The following TNK2 variants were observed in gnomAD, a reference collection of about 807,000 sequenced individuals.
The protein encoded by TNK2 is tyrosine kinase non receptor 2.
In TNK2, 83 loss-of-function variants were observed where a neutral mutation model predicts 101.8. The observed-to-expected ratio is 0.82, with a 90% CI of 0.68 to 0.98. TNK2 has a LOEUF of 0.98. TNK2 is among the 50% of genes least tolerant of loss of function. The probability of loss-of-function intolerance (pLI) is 0.00; values close to 1 mark genes in which losing one functional copy is unlikely to be tolerated. For missense variants in TNK2, 1,665 were observed against 1,483.2 expected (o/e 1.12, Z -2.01); for synonymous variants, 804 against 633.0 (o/e 1.27, Z -4.06).
At chr3:195,881,928 G>C (rs1753321792) in intron 6 of TNK2, 123 bp downstream of exon 6, 1 of 1,219,410 alleles carries the variant, frequency 8.2e-7, no homozygotes, top group Non-Finnish European at 1.1e-6. Flanking sequence ...GGGCACCCCA[G>C]GCTTAGAACA....
chr3:195,868,570 G>A lies in TNK2; in HGVS notation c.1728C>T (p.Ser576=). 5.1e-6 allele frequency: 8 copies of A among 1,573,572 alleles called. No individual in the cohort carries two copies. The highest frequency in any genetic ancestry group is 6.8e-6 in the Non-Finnish European group (8 of 1,168,474). The change falls in exon 13 of 16, where the codon AGC becomes AGT. Residue 576 remains serine, a synonymous_variant. Transcript: ENST00000672887. ...PSARVPGTKA[S]RGSGAEVTLI... is the part of the protein sequence containing the mutation. ...GCGTGACCTCAGCCCCGCTGCCTCG[G>A]CTGGCCTTGGTGCCCGGCACCCGCG...
chr3:195,867,679 G>A lies in TNK2; in HGVS notation c.2619C>T (p.His873=). Residue 873 remains histidine, a synonymous_variant, in exon 13 of 16, where the codon CAC becomes CAT. Coordinates refer to ENST00000672887, the MANE Select transcript of TNK2 (RefSeq NM_001382273.1). ...ATGGTCGCTCGGGCAGCAAGTAATA[G>A]TGGGTGCTGCTGACCTTCTTGCCAT... is the stretch of plus-strand genomic sequence containing the variant. ...VRDGKKVSST[H]YYLLPERPSY... is the part of the protein sequence containing the mutation. 6.2e-7 allele frequency: 1 copy of A among 1,608,598 alleles called. No homozygotes were observed. Among genetic ancestry groups the A allele is most frequent in the Non-Finnish European group, 8.5e-7 (1 of 1,179,532 alleles).
rs771822142 is a variant in TNK2 at position 195,883,171 on chromosome 3, G to A, written c.595C>T (p.Pro199Ser). The change falls in exon 5 of 16, where the codon CCG becomes TCG. Residue 199 changes from proline to serine, a missense_variant. Pro to Ser is a moderately conservative substitution (Grantham distance 74, BLOSUM62 -1). Transcript: ENST00000672887. Reference sequence around the variant, plus strand: ...GCAGTACTCACCATCTTCATGGGCGGCGTGAGCACCACCCCGTAGAGGCGG... The same window carrying A: ...GCAGTACTCACCATCTTCATGGGCGACGTGAGCACCACCCCGTAGAGGCGG... ...LIRLYGVVLT[P>S]PMKMVTELAP... The A allele has an allele frequency of 3.1e-6, 5 of 1,606,352 alleles. No individual in the cohort carries two copies. The African/African-American group carries it at 4.0e-5, about 13-fold the overall frequency.
At chr3:195,870,937 G>A (rs919101359) in intron 10 of TNK2, among the ~76,000 whole-genome samples, 9 of 151,040 alleles carry the variant, frequency 6.0e-5, no homozygotes, top group South Asian at 2.1e-4. Context: ...GTGGGGGCCC[G>A]CTGTGTGGGT....
At chr3:195,894,169 G>A (rs1339099694) in intron 1 of TNK2, 3 of 146,066 alleles carry the variant, frequency 2.1e-5, no homozygotes, top group African/African-American at 7.3e-5. Flanking sequence ...CCTGGAAGGA[G>A]ACCCAGGGAC....
At chr3:195,876,174 C>T (rs1169742749) in intron 9 of TNK2, among the ~76,000 whole-genome samples, 1 of 152,150 alleles carries the variant, frequency 6.6e-6, no homozygotes, top group South Asian at 2.1e-4. Context: ...CAAACGAGCC[C>T]CTGGGAAAGA....
chr3:195,870,265 C>T (rs757741828), intron 10 of TNK2, 60 bp from the exon 11 acceptor site: 16 of 1,593,374 alleles, frequency 1.0e-5, no homozygotes, highest in African/African-American at 1.3e-5. Context: ...GTGGCAGAAT[C>T]TCATCAGAGC....
At chr3:195,873,321 G>T (rs574896319) in intron 9 of TNK2, among the ~76,000 whole-genome samples, 1 of 152,218 alleles carries the variant, frequency 6.6e-6, no homozygotes, top group Admixed American at 6.5e-5. Flanking sequence ...CAGGGCTCCC[G>T]CAAGACACTC....
At chr3:195,865,189 G>A (rs1739841381) in intron 15 of TNK2, among the ~76,000 whole-genome samples, 1 of 112,284 alleles carries the variant, frequency 8.9e-6, no homozygotes, top group Non-Finnish European at 1.8e-5. Flanking sequence ...GACAGTGACA[G>A]ACAGGTGACA....
intron 9 of TNK2, among the ~76,000 whole-genome samples, chr3:195,875,957 T>C (rs1333843777): frequency 6.6e-6 from 1 of 152,182 alleles, no homozygotes; most frequent in Non-Finnish European, 1.5e-5. Flanking sequence ...ATGGCTCAAC[T>C]AATGCCGGAC....
rs1742779699 is a variant in TNK2 at position 195,868,862 on chromosome 3, G to A, written c.1589-153C>T. On this transcript the variant is annotated intron_variant, in intron 12 of 15. Transcript: ENST00000672887. ...TCTGAGGTCAGCCACCGGCGGCCAGGTTCTCAGCGCACCTCCGACCACTCC... is the reference window on the plus strand; with the variant it reads ...TCTGAGGTCAGCCACCGGCGGCCAGATTCTCAGCGCACCTCCGACCACTCC... The A allele has an allele frequency of 4.5e-6, 4 of 881,998 alleles. No homozygotes were observed. In the East Asian group the frequency reaches 1.2e-4, roughly 26 times the overall value. The allele number at this position is 881,998 out of a possible 1,614,324, so 54.6% of individuals were successfully genotyped here.
chr3:195,906,696 A>G (rs1349899712), intron 1 of TNK2, among the ~76,000 whole-genome samples: 1 of 152,236 alleles, frequency 6.6e-6, no homozygotes, highest in Non-Finnish European at 1.5e-5. Flanking sequence ...GTATATACAC[A>G]GGCCACAACT....
At position 195,888,003 on chromosome 3, in the gene TNK2, C is replaced by T. The variant is rs1034625142; in HGVS notation, c.163+423G>A. ...GCCTGTGCGTGTGCATGCGTGTGTG[C>T]GTGTGAGAGAGCAAGAAAGAGAGCG... On this transcript the variant is annotated intron_variant, in intron 2 of 15. Transcript: ENST00000672887. The surrounding 1 kb of genome is among the most constrained non-coding windows in gnomAD (Gnocchi z 5.3). Among the ~76,000 whole-genome samples the T allele has an allele frequency of 2.0e-5, 3 of 151,710 alleles. No individual in the cohort carries two copies. Among genetic ancestry groups the T allele is most frequent in the Admixed American group, 6.6e-5 (1 of 15,236 alleles).
At chr3:195,868,767 G>C (rs1421702849) in intron 12 of TNK2, 58 bp from the exon 13 acceptor site, 40 of 1,477,816 alleles carry the variant, frequency 2.7e-5, no homozygotes, top group Non-Finnish European at 3.1e-5. Flanking sequence ...TGGGACACGA[G>C]GGGAGGTGGC....
chr3:195,880,251 G>A (rs1378604599), intron 6 of TNK2, among the ~76,000 whole-genome samples: 2 of 152,106 alleles, frequency 1.3e-5, no homozygotes, highest in Non-Finnish European at 1.5e-5. Flanking sequence ...CCATCTACAA[G>A]GCCTGCTGTG....
In TNK2 at chr3:195,866,873, T is replaced by G. The variant is rs749426516; in HGVS notation, c.3161+16A>C. On this transcript the variant is annotated intron_variant, in intron 15 of 15. Transcript: ENST00000672887. ...TCCTGGGGCACGGAGCGGGGCAGAC[T>G]GTGGGGCTCACTCACTTGTGGTGGG... 1 of 1,608,242 alleles carries G rather than the reference T, an allele frequency of 6.2e-7. No individual in the cohort carries two copies. Among genetic ancestry groups the G allele is most frequent in the Non-Finnish European group, 8.5e-7 (1 of 1,178,026 alleles).
rs533294364 is a variant in TNK2 at position 195,887,708 on chromosome 3, CTCAAA to C, written c.164-666_164-662del. On this transcript the variant is annotated intron_variant, in intron 2 of 15. Transcript: ENST00000672887. Reference sequence around the variant, plus strand: ...GAAAAATATGAAGATAAGGGTTGAACTCAAATCAGAGCAAACCTGTGTGTATGTGC... The same window carrying C: ...GAAAAATATGAAGATAAGGGTTGAACTCAGAGCAAACCTGTGTGTATGTGC... 5.9e-5 allele frequency among the ~76,000 whole-genome samples: 9 copies of C among 152,298 alleles called. No individual in the cohort carries two copies. The South Asian group carries it at 1.7e-3, about 28-fold the overall frequency.
intron 1 of TNK2, among the ~76,000 whole-genome samples, chr3:195,902,240 T>C (rs1761273968): frequency 6.6e-6 from 1 of 152,112 alleles, no homozygotes; most frequent in East Asian, 1.9e-4. Context: ...GCCCAGGAAC[T>C]GGCAGCCCCG....
chr3:195,883,459 C>T (rs1273321767), intron 4 of TNK2, 150 bp from the exon 5 acceptor site: 16 of 886,198 alleles, frequency 1.8e-5, no homozygotes, highest in South Asian at 8.1e-5. Flanking sequence ...CCTGGGCTTA[C>T]GTGCTCTGCG....
Sources: allele counts gnomAD v4.1 joint callset (sites outside exome capture counted in the v4.1 genomes callset), GRCh38; gene constraint gnomAD v4.1.1; non-coding constraint Gnocchi (gnomAD v3.1); transcripts MANE v1.5; gene names NCBI Gene and HGNC (gene_info 2026-07-23, HGNC 2026-07-21).